Variants in GALNT14 observed in about 807,000 individuals in gnomAD.
GALNT14 encodes polypeptide N-acetylgalactosaminyltransferase 14.
GALNT14 carries 60 observed loss-of-function variants against 77.5 expected under a neutral mutation model. The ratio of observed to expected loss-of-function variants is 0.77; its 90% CI spans 0.63 to 0.96. GALNT14 has a LOEUF of 0.96. Ranked by LOEUF, GALNT14 falls within the 40% of genes least tolerant of loss-of-function variation. The pLI, the probability that GALNT14 is intolerant of heterozygous loss-of-function variation, is 0.00. For synonymous variants in GALNT14, 280 were observed against 281.7 expected, an observed-to-expected ratio of 0.99 and a Z score of 0.06; for missense variants, 710 against 731.0, an observed-to-expected ratio of 0.97 and a Z score of 0.33.
At chr2:31,047,564 A>T (rs1673545172) in intron 1 of GALNT14, among the ~76,000 whole-genome samples, 2 of 152,202 alleles carry the variant, frequency 1.3e-5, no homozygotes, top group African/African-American at 4.8e-5. Context: ...AACATTTCTT[A>T]GGCCCCAAGG....
chr2:31,072,409 CCTCT>C (rs1044851281), intron 1 of GALNT14, among the ~76,000 whole-genome samples: 15 of 151,084 alleles, frequency 9.9e-5, no homozygotes, highest in African/African-American at 3.4e-4. Flanking sequence ...TTGCTTTCTT[CCTCT>C]CTTTCATTTT....
intron 1 of GALNT14, among the ~76,000 whole-genome samples, chr2:30,995,130 TTGTGTGTGTGTG>T (rs3058232): frequency 3.5e-4 from 51 of 144,144 alleles, no homozygotes; most frequent in African/African-American, 8.6e-4. Context: ...AGAACCAATG[TTGTGTGTGTGTG>T]TGTGTGTGTG....
At chr2:31,122,760 A>C (rs1678477102) in intron 1 of GALNT14, among the ~76,000 whole-genome samples, 1 of 152,146 alleles carries the variant, frequency 6.6e-6, no homozygotes, top group Admixed American at 6.5e-5. Flanking sequence ...AAATATACAA[A>C]TTATTTTCTA....
At chr2:30,992,597 G>C (rs190281450) in intron 2 of GALNT14, among the ~76,000 whole-genome samples, 1 of 152,324 alleles carries the variant, frequency 6.6e-6, no homozygotes, top group Admixed American at 6.5e-5. Flanking sequence ...AAGTGAAAGA[G>C]GCCACCCCTG....
At chr2:30,955,890 C>T in intron 5 of GALNT14, 22 bp downstream of exon 5, 4 of 1,613,506 alleles carry the variant, frequency 2.5e-6, no homozygotes, top group Non-Finnish European at 2.5e-6. Context: ...CTGGAGGCTC[C>T]CGCACAACAG....
intron 13 of GALNT14, among the ~76,000 whole-genome samples, chr2:30,920,630 TAC>T (rs140659655): frequency 0.041 from 5,905 of 144,612 alleles, 286 homozygotes; most frequent in African/African-American, 0.11. Flanking sequence ...GAGTGTATGC[TAC>T]ACACACACAC....
chr2:31,018,809 C>T (rs890364490), intron 1 of GALNT14, among the ~76,000 whole-genome samples: 5 of 152,156 alleles, frequency 3.3e-5, no homozygotes, highest in African/African-American at 4.8e-5. Flanking sequence ...ACTCAGCACA[C>T]GGCCCTCATG....
chr2:31,077,678 G>A (rs4951964), intron 1 of GALNT14, among the ~76,000 whole-genome samples: 15,422 of 152,152 alleles, frequency 0.1, 1,582 homozygotes, highest in African/African-American at 0.26. Context: ...GGAATCCCCA[G>A]AAATCTTCAT....
At chr2:30,900,916 C>T in the GALNT14 span, among the ~76,000 whole-genome samples, 1 of 152,146 alleles carries the variant, frequency 6.6e-6, no homozygotes, top group South Asian at 2.1e-4. Flanking sequence ...GAGAGCTAGA[C>T]ACACCCCATC....
chr2:30,888,448 T>C, the GALNT14 span, among the ~76,000 whole-genome samples: 2 of 152,190 alleles, frequency 1.3e-5, no homozygotes, highest in African/African-American at 2.4e-5. Flanking sequence ...ATAGAGCTGA[T>C]GTGGCAGTGA....
chr2:31,029,544 A>G (rs1672282129), intron 1 of GALNT14, among the ~76,000 whole-genome samples: 1 of 152,272 alleles, frequency 6.6e-6, no homozygotes, highest in African/African-American at 2.4e-5. Context: ...AACTAATGGA[A>G]GGTTAGTGGA....
In GALNT14 at chr2:30,955,561, G is replaced by C. The variant is rs186978321; in HGVS notation, c.654+57C>G. 206 of 1,591,568 alleles carry C rather than the reference G, an allele frequency of 1.3e-4. No homozygotes were observed. The Admixed American group carries it at 3.4e-3, about 26-fold the overall frequency. Reference sequence around the variant, plus strand: ...CACATGTGAAGTAATGAGCTTGAGAGAGAGCCTGGAGAAAGCTGGGGCACG... The same window carrying C: ...CACATGTGAAGTAATGAGCTTGAGACAGAGCCTGGAGAAAGCTGGGGCACG... On this transcript the variant is annotated intron_variant, in intron 6 of 14. Transcript: ENST00000349752.
intron 2 of GALNT14, among the ~76,000 whole-genome samples, chr2:30,976,083 C>G (rs1274941330): frequency 1.3e-5 from 2 of 152,196 alleles, no homozygotes; most frequent in Admixed American, 1.3e-4. Flanking sequence ...TGAATTATGA[C>G]AAGCCTTTGA....
intron 1 of GALNT14, among the ~76,000 whole-genome samples, chr2:31,061,018 C>T (rs1043852957): frequency 2.6e-5 from 4 of 152,194 alleles, no homozygotes; most frequent in Non-Finnish European, 5.9e-5. Context: ...CTTCTCTTTC[C>T]TTTTTCATTG....
chr2:31,073,185 G>A (rs569615223), intron 1 of GALNT14: 60 of 152,288 alleles, frequency 3.9e-4, no homozygotes, highest in African/African-American at 1.3e-3. Flanking sequence ...TCTGCAAAAT[G>A]GGAATATGAA....
At chr2:30,947,672 C>T (rs1666783349) in intron 6 of GALNT14, among the ~76,000 whole-genome samples, 1 of 152,208 alleles carries the variant, frequency 6.6e-6, no homozygotes, top group African/African-American at 2.4e-5. Flanking sequence ...TCTGCACCAA[C>T]CACCCTTTGG....
chr2:31,038,173 C>T (rs1163981204), intron 1 of GALNT14, among the ~76,000 whole-genome samples: 1 of 144,550 alleles, frequency 6.9e-6, no homozygotes, highest in Non-Finnish European at 1.5e-5. Flanking sequence ...CAGCTTACTG[C>T]AACCCCCGCC....
At chr2:31,006,891 G>A (rs1670706172) in intron 1 of GALNT14, among the ~76,000 whole-genome samples, 1 of 152,176 alleles carries the variant, frequency 6.6e-6, no homozygotes, top group African/African-American at 2.4e-5. Flanking sequence ...GCCTGCTAGG[G>A]GGAGGATAGA....
the GALNT14 span, among the ~76,000 whole-genome samples, chr2:30,904,350 C>T: frequency 3.3e-5 from 5 of 152,310 alleles, no homozygotes; most frequent in African/African-American, 4.8e-5. Context: ...TCAGTGGCTG[C>T]GTGCACTGTG....
Sources: allele counts gnomAD v4.1 joint callset (sites outside exome capture counted in the v4.1 genomes callset), GRCh38; gene constraint gnomAD v4.1.1; transcripts MANE v1.5; gene names NCBI Gene and HGNC (gene_info 2026-07-23, HGNC 2026-07-21).